ARB2A: variants seen among roughly 807,000 people sequenced by gnomAD.
ARB2A encodes the protein ARB2 cotranscriptional regulator A.
chr5:93,664,652 TA>T, the ARB2A span, among the ~76,000 whole-genome samples: 442 of 147,946 alleles, frequency 3.0e-3, 4 homozygotes, highest in Non-Finnish European at 4.4e-3. Context: ...TATATATATA[TA>T]ATAATAATAA....
the ARB2A span, among the ~76,000 whole-genome samples, chr5:93,646,004 G>A: frequency 6.6e-6 from 1 of 152,106 alleles, no homozygotes; most frequent in Non-Finnish European, 1.5e-5. Flanking sequence ...ACACAGTTCA[G>A]AGCAGCTGCA....
the ARB2A span, among the ~76,000 whole-genome samples, chr5:93,720,243 G>A: frequency 6.6e-6 from 1 of 152,144 alleles, no homozygotes; most frequent in Non-Finnish European, 1.5e-5. Context: ...TTGAAAAGTG[G>A]TTATTAAGCC....
chr5:93,780,338 C>A, the ARB2A span, among the ~76,000 whole-genome samples: 109 of 152,274 alleles, frequency 7.2e-4, 1 homozygote, highest in African/African-American at 2.4e-3. Flanking sequence ...CATTTGCCCA[C>A]TCAGCCTAGA....
chr5:93,643,478 A>G, the ARB2A span, among the ~76,000 whole-genome samples: 1 of 152,282 alleles, frequency 6.6e-6, no homozygotes, highest in Non-Finnish European at 1.5e-5. Flanking sequence ...AGCCCATAGA[A>G]TATGAAGACT....
the ARB2A span, among the ~76,000 whole-genome samples, chr5:94,058,832 G>A: frequency 6.6e-6 from 1 of 152,164 alleles, no homozygotes; most frequent in Non-Finnish European, 1.5e-5. Context: ...TCCAATGTTG[G>A]AGGTGGCCCT....
chr5:93,777,721 T>C, the ARB2A span, among the ~76,000 whole-genome samples: 4 of 152,320 alleles, frequency 2.6e-5, no homozygotes, highest in East Asian at 7.7e-4. Context: ...GTCCTCACTG[T>C]GGAAAGATCC....
the ARB2A span, among the ~76,000 whole-genome samples, chr5:93,750,056 A>T: frequency 1.3e-5 from 2 of 152,004 alleles, no homozygotes; most frequent in African/African-American, 4.8e-5. Flanking sequence ...CATGCCTAAT[A>T]CTCTTTATAC....
At chr5:93,740,927 T>A in the ARB2A span, 1 of 1,613,976 alleles carries the variant, frequency 6.2e-7, no homozygotes, top group South Asian at 1.1e-5. Flanking sequence ...CTTGCCCGTC[T>A]CCACTTCCCA....
the ARB2A span, among the ~76,000 whole-genome samples, chr5:93,903,709 C>G: frequency 1.4e-5 from 2 of 144,358 alleles, no homozygotes; most frequent in Admixed American, 7.0e-5. Flanking sequence ...TTCTATATAT[C>G]TGTGTGTGTG....
the ARB2A span, among the ~76,000 whole-genome samples, chr5:94,039,754 A>G: frequency 0.032 from 4,853 of 152,226 alleles, 142 homozygotes; most frequent in East Asian, 0.14. Flanking sequence ...CTTTCTGGCA[A>G]CCATAGAAGG....
At chr5:94,073,401 T>C in the ARB2A span, among the ~76,000 whole-genome samples, 2 of 152,072 alleles carry the variant, frequency 1.3e-5, no homozygotes, top group Admixed American at 6.6e-5. Context: ...TGAATCCAGA[T>C]AGTTACAAGA....
At chr5:93,779,138 CACGT>C in the ARB2A span, among the ~76,000 whole-genome samples, 1 of 149,008 alleles carries the variant, frequency 6.7e-6, no homozygotes, top group African/African-American at 2.5e-5. Flanking sequence ...CGCGCGCGCG[CACGT>C]GCAGGGGCAT....
the ARB2A span, among the ~76,000 whole-genome samples, chr5:93,798,085 C>G: frequency 2.6e-5 from 4 of 152,084 alleles, no homozygotes; most frequent in Non-Finnish European, 5.9e-5. Context: ...GATACTACCA[C>G]AGTCAGAGCA....
At chr5:93,851,056 G>A in the ARB2A span, among the ~76,000 whole-genome samples, 1 of 151,976 alleles carries the variant, frequency 6.6e-6, no homozygotes, top group South Asian at 2.1e-4. Flanking sequence ...AGGGCAAAGT[G>A]GAATTCATTC....
At chr5:93,927,397 C>G in the ARB2A span, among the ~76,000 whole-genome samples, 5 of 152,114 alleles carry the variant, frequency 3.3e-5, no homozygotes, top group African/African-American at 1.2e-4. Flanking sequence ...ATAGGGATGA[C>G]CCATGTGATT....
the ARB2A span, among the ~76,000 whole-genome samples, chr5:93,802,518 C>T: frequency 1.2e-4 from 19 of 152,054 alleles, no homozygotes; most frequent in African/African-American, 3.4e-4. Context: ...AAATTCAAGG[C>T]TATTTAAAAC....
the ARB2A span, among the ~76,000 whole-genome samples, chr5:93,677,991 T>C: frequency 2.0e-5 from 3 of 152,246 alleles, no homozygotes; most frequent in East Asian, 1.9e-4. Context: ...GCAAAGCACA[T>C]TGAAAATGCT....
the ARB2A span, among the ~76,000 whole-genome samples, chr5:93,941,077 A>G: frequency 6.6e-6 from 1 of 152,332 alleles, no homozygotes; most frequent in South Asian, 2.1e-4. Context: ...TCAACTAATT[A>G]TTCCAGTTAT....
chr5:93,737,781 C>T, the ARB2A span: 1 of 333,224 alleles, frequency 3.0e-6, no homozygotes, highest in Non-Finnish European at 5.9e-6. Flanking sequence ...ACTGGCTATC[C>T]ACATGCAAAA....
Sources: gnomAD v4.1 joint callset for allele counts (sites outside exome capture counted in the v4.1 genomes callset) on GRCh38, gnomAD v4.1.1 for gene constraint, MANE v1.5 for transcripts, NCBI Gene and HGNC (gene_info 2026-07-23, HGNC 2026-07-21) for gene names.